Variants in RC3H2 observed in about 807,000 individuals in gnomAD.
RC3H2 encodes the protein roquin-2.
A neutral mutation model predicts 133.3 loss-of-function variants in RC3H2; 31 were observed. That is an observed-to-expected ratio of 0.23 (90% CI 0.17 to 0.31). The LOEUF (loss-of-function observed/expected upper bound fraction) is 0.31, where lower values mean the gene tolerates loss of function less well. Among genes scored for constraint, RC3H2 ranks in the 10% least tolerant of loss-of-function variants. The probability of loss-of-function intolerance (pLI) is 1.00; values close to 1 mark genes in which losing one functional copy is unlikely to be tolerated. For synonymous variants in RC3H2, 517 were observed against 502.2 expected (o/e 1.03, Z -0.40); for missense variants, 1,175 against 1,437.2 (o/e 0.82, Z 2.95).
intron 1 of RC3H2, among the ~76,000 whole-genome samples, chr9:122,904,116 ATTACT>A: frequency 6.6e-6 from 1 of 152,348 alleles, no homozygotes; most frequent in South Asian, 2.1e-4. Flanking sequence ...TGGAAAAAAG[ATTACT>A]TAAAGCACTT....
intron 2 of RC3H2, among the ~76,000 whole-genome samples, chr9:122,895,231 C>CT (rs947322535): frequency 6.6e-6 from 1 of 151,382 alleles, no homozygotes; most frequent in Non-Finnish European, 1.5e-5. Flanking sequence ...ACGATCTTGG[C>CT]TCTCTGCAGC....
Position 122,844,884 on chromosome 9 carries a change from A to G in RC3H2, c.*4743T>C, listed in dbSNP as rs1564275521. On this transcript the variant is annotated 3_prime_UTR_variant, in exon 21 of 21. Coordinates refer to ENST00000357244, the MANE Select transcript of RC3H2 (RefSeq NM_001100588.3). ...GGAAATTCAAATTGAAATAAATGGA[A>G]TAGAATTTATTCCCATATATATTCC... 1.3e-5 allele frequency: 2 copies of G among 152,240 alleles called. No homozygotes were observed. The highest frequency in any genetic ancestry group is 2.9e-5 in the Non-Finnish European group (2 of 68,048). The allele number at this position is 152,240 out of a possible 1,614,324, so 9.4% of individuals were successfully genotyped here. A position where few individuals can be genotyped will look rare whatever the true frequency, so the allele number is the denominator to read the frequency against.
chr9:122,879,741 A>G lies in RC3H2; in HGVS notation c.1212+14T>C, dbSNP rs536760647. The G allele has an allele frequency of 4.6e-6, 7 of 1,529,340 alleles. No homozygotes were observed. In the South Asian group the frequency reaches 6.9e-5, roughly 15 times the overall value. 94.7% of individuals were successfully genotyped at this position (1,529,340 alleles called of 1,614,324 possible). ...AGAGACAACAGCAGTCAGAAATGTAATAAATGTACTTACCTGAGGGGTCTC... is the reference window on the plus strand; with the variant it reads ...AGAGACAACAGCAGTCAGAAATGTAGTAAATGTACTTACCTGAGGGGTCTC... On this transcript the variant is annotated intron_variant, in intron 8 of 20. Transcript: ENST00000357244.
chr9:122,896,122 A>T (rs978445897), intron 2 of RC3H2, among the ~76,000 whole-genome samples: 7 of 428 alleles, frequency 0.016, no homozygotes, highest in Non-Finnish European at 0.12. Flanking sequence ...TGATGAGTTA[A>T]AAAAAAAAAA....
At chr9:122,884,865 A>AAT (rs1831837369) in intron 4 of RC3H2, among the ~76,000 whole-genome samples, 1 of 152,112 alleles carries the variant, frequency 6.6e-6, no homozygotes, top group African/African-American at 2.4e-5. Context: ...AAAAAAAAAA[A>AAT]AAGAAATATT....
chr9:122,858,251 G>A (rs1032073089), intron 12 of RC3H2, among the ~76,000 whole-genome samples, 158 bp from the exon 13 acceptor site: 4 of 152,152 alleles, frequency 2.6e-5, no homozygotes, highest in Non-Finnish European at 4.4e-5. Flanking sequence ...AAAATAAAAA[G>A]GTTAATATTT....
At position 122,858,754 on chromosome 9, in the gene RC3H2, C is replaced by A; in HGVS notation, c.2198G>T (p.Arg733Leu). Residue 733 changes from arginine (R) to leucine (L), a missense_variant, in exon 12 of 21, where the codon CGG becomes CTG. Around this residue, in one of 8 missense-constraint regions of RC3H2, gnomAD observed 490 missense variants for 492.8 expected, o/e 0.99. Transcript: ENST00000357244. ...TCCATCTAATGAGTTATATCTTTCC[C>A]GCAAAGATGTCTGATAGACAGATGA... Reference protein sequence around the residue: ...MHSSVYQTSLRERYNSLDGYY... With the variant: ...MHSSVYQTSLLERYNSLDGYY... The A allele has an allele frequency of 6.2e-7, 1 of 1,614,158 alleles. No homozygotes were observed. Among genetic ancestry groups the A allele is most frequent in the South Asian group, 1.1e-5 (1 of 91,076 alleles).
rs754737951 is a variant in RC3H2, at chr9:122,858,916, G to A, written c.2036C>T (p.Pro679Leu). 2.3e-5 allele frequency: 37 copies of A among 1,614,120 alleles called. No homozygotes were observed. Among genetic ancestry groups the A allele is most frequent in the African/African-American group, 5.3e-5 (4 of 74,942 alleles). ...SSPYQPPPPQ[P>L]YGPVPPVPSG... ...AGGTACTGGAGGAACTGGTCCATAC[G>A]GCTGCGGAGGAGGAGGCTGGTAAGG... The change falls in exon 12 of 21, where the codon CCG becomes CTG. Residue 679 changes from proline (P) to leucine (L), a missense_variant. By Grantham distance (98) the Pro-to-Leu change is moderately conservative. This residue lies in a region of RC3H2 where 490 missense variants were observed against 492.8 expected (regional missense o/e 0.99). Transcript: ENST00000357244.
At position 122,883,329 on chromosome 9, in the gene RC3H2, A is replaced by G; in HGVS notation, c.634T>C (p.Ser212Pro). The change falls in exon 5 of 21, where the codon TCT (serine) becomes CCT (proline). Residue 212 changes from serine (S) to proline (P), a missense_variant. Around this residue, in one of 8 missense-constraint regions of RC3H2, gnomAD observed 121 missense variants for 243.5 expected, o/e 0.50. Transcript: ENST00000357244. ...KLVLLALEDGSALSRKVLVLF... is the reference protein window; with the variant it reads ...KLVLLALEDGPALSRKVLVLF... ...ACCAGAACTTTCCTTGAGAGGGCAG[A>G]ACCATCTTCTAATGCCAGTAACACC... is the stretch of plus-strand genomic sequence containing the variant. The G allele has an allele frequency of 1.2e-6, 2 of 1,613,294 alleles. No individual in the cohort carries two copies. The highest frequency in any genetic ancestry group is 1.7e-6 in the Non-Finnish European group (2 of 1,179,744).
intron 9 of RC3H2, among the ~76,000 whole-genome samples, chr9:122,872,147 T>C (rs1831129300): frequency 6.6e-6 from 1 of 152,206 alleles, no homozygotes; most frequent in Non-Finnish European, 1.5e-5. Context: ...GAACCACTGA[T>C]TTTCTGCCCT....
At chr9:122,857,205 T>A (rs982384848) in intron 13 of RC3H2, among the ~76,000 whole-genome samples, 6 of 152,182 alleles carry the variant, frequency 3.9e-5, no homozygotes, top group Non-Finnish European at 8.8e-5. Context: ...AAATTTTTTA[T>A]AATGAAAAGA....
intron 14 of RC3H2, 36 bp from the exon 15 acceptor site, chr9:122,855,433 T>G: frequency 6.4e-7 from 1 of 1,554,056 alleles, no homozygotes; most frequent in East Asian, 2.2e-5. Context: ...AAAGGACTGT[T>G]GGCAATTACT....
At chr9:122,853,261 C>T (rs1227210802) in intron 18 of RC3H2, among the ~76,000 whole-genome samples, 1 of 151,478 alleles carries the variant, frequency 6.6e-6, no homozygotes, top group Non-Finnish European at 1.5e-5. Flanking sequence ...CCGCAGGGTC[C>T]TCTGCCTAGG....
rs1830222868 is a variant in RC3H2, at chr9:122,855,823, G to A, written c.2510C>T (p.Ser837Phe). ...KFEEDHLSHY[S>F]PWSCGTIGSC... is the part of the protein sequence containing the mutation. ...GCCTATGGTGCCACAAGACCAGGGA[G>A]AATAATGGGAAAGATGATCTTCTTC... Residue 837 changes from serine (S) to phenylalanine (F), a missense_variant, in exon 14 of 21, where the codon TCT becomes TTT. Around this residue, in one of 8 missense-constraint regions of RC3H2, gnomAD observed 490 missense variants for 492.8 expected, o/e 0.99. Coordinates refer to ENST00000357244, the MANE Select transcript of RC3H2 (RefSeq NM_001100588.3). 1 of 1,613,508 alleles carries A rather than the reference G, an allele frequency of 6.2e-7. No homozygotes were observed. The highest frequency in any genetic ancestry group is 1.3e-5 in the African/African-American group (1 of 74,974).
intron 8 of RC3H2, among the ~76,000 whole-genome samples, chr9:122,879,180 G>A (rs970456076): frequency 1.3e-5 from 2 of 151,778 alleles, no homozygotes; most frequent in African/African-American, 4.8e-5. Context: ...CAGATCACCT[G>A]AGGTCAGGAG....
At chr9:122,902,050 C>T (rs1274135337) in intron 1 of RC3H2, among the ~76,000 whole-genome samples, 16 of 151,926 alleles carry the variant, frequency 1.1e-4, no homozygotes, top group African/African-American at 3.9e-4. Flanking sequence ...CTGCCTCAGC[C>T]TCCGGAGTAG....
intron 2 of RC3H2, among the ~76,000 whole-genome samples, chr9:122,896,309 C>A (rs904300065): frequency 6.6e-6 from 1 of 152,008 alleles, no homozygotes; most frequent in African/African-American, 2.4e-5. Context: ...CTTATTGTTT[C>A]ATTTACACTA....
Position 122,846,524 on chromosome 9 carries a change from C to G in RC3H2, c.*3103G>C, listed in dbSNP as rs1195035335. ...AAATGAAACCACAAAAAAACTGATGCTACAACCACAGTAACTGAATGCGGC... is the reference window on the plus strand; with the variant it reads ...AAATGAAACCACAAAAAAACTGATGGTACAACCACAGTAACTGAATGCGGC... On this transcript the variant is annotated 3_prime_UTR_variant, in exon 21 of 21. Coordinates refer to ENST00000357244, the MANE Select transcript of RC3H2 (RefSeq NM_001100588.3). 1 of 152,172 alleles carries G rather than the reference C, an allele frequency of 6.6e-6. No homozygotes were observed. Among genetic ancestry groups the G allele is most frequent in the East Asian group, 1.9e-4 (1 of 5,202 alleles). 9.4% of individuals were successfully genotyped at this position (152,172 alleles called of 1,614,324 possible).
chr9:122,875,241 T>C, intron 9 of RC3H2: 1 of 1,551,188 alleles, frequency 6.4e-7, no homozygotes, highest in Non-Finnish European at 8.7e-7. Context: ...TCTGCTCTTT[T>C]CACTGCACAC....
Sources: allele counts gnomAD v4.1 joint callset (sites outside exome capture counted in the v4.1 genomes callset), GRCh38; gene constraint gnomAD v4.1.1; regional missense constraint gnomAD v4.1.1; transcripts MANE v1.5; gene names NCBI Gene and HGNC (gene_info 2026-07-23, HGNC 2026-07-21).